COL4A5: variants seen among roughly 807,000 people sequenced by gnomAD.
COL4A5 encodes the protein collagen alpha-5(IV) chain.
Under a neutral mutation model 130.2 loss-of-function variants are expected in COL4A5, and 26 were observed. The observed-to-expected ratio is 0.20, with a 90% CI of 0.15 to 0.28. The LOEUF is 0.28. COL4A5 is among the 10% of genes least tolerant of loss of function. The probability of loss-of-function intolerance (pLI) is 1.00; values close to 1 mark genes in which losing one functional copy is unlikely to be tolerated. For missense variants in COL4A5, 1,131 were observed against 1,344.3 expected, an observed-to-expected ratio of 0.84 and a Z score of 2.48; for synonymous variants, 496 against 439.6, an observed-to-expected ratio of 1.13 and a Z score of -1.60.
chrX:108,501,917 G>C (rs775058552), intron 1 of COL4A5, among the ~76,000 whole-genome samples: 11 of 112,495 alleles, frequency 9.8e-5, no homozygotes, highest in African/African-American at 3.2e-4. Flanking sequence ...GAAACCAAGG[G>C]AGAAGGAAAT....
At chrX:108,591,437 T>G (rs772789052) in intron 20 of COL4A5, 124 bp from the exon 21 acceptor site, 1 of 671,086 alleles carries the variant, frequency 1.5e-6, no homozygotes, top group South Asian at 2.5e-5. Context: ...TATATTTTCC[T>G]TTTGCTTATA....
intron 42 of COL4A5, among the ~76,000 whole-genome samples, chrX:108,671,236 T>C (rs2068201182): frequency 8.9e-6 from 1 of 112,187 alleles, no homozygotes; most frequent in South Asian, 3.7e-4. Flanking sequence ...TTTATTGTTA[T>C]TCAAAATAAA....
rs866276836 is a variant in COL4A5 at position 108,601,954 on chromosome X, C to A, written c.2111C>A (p.Pro704His). Reference protein sequence around the residue: ...IPGSKGEPGIPGIGLPGPPGP... With the variant: ...IPGSKGEPGIHGIGLPGPPGP... ...GGTAGCAAAGGAGAACCAGGTATCCCTGGAATTGGGCTTCCTGGACCACCT... is the reference window on the plus strand; with the variant it reads ...GGTAGCAAAGGAGAACCAGGTATCCATGGAATTGGGCTTCCTGGACCACCT... The change falls in exon 27 of 53, where the codon CCT becomes CAT. Residue 704 changes from proline (P) to histidine (H), a missense_variant. Transcript: ENST00000328300. 1 of 1,163,942 alleles carries A rather than the reference C, an allele frequency of 8.6e-7. No homozygotes were observed. The highest frequency in any genetic ancestry group is 3.1e-5 in the East Asian group (1 of 32,225).
chrX:108,532,759 C>CAGGA (rs747210245), intron 1 of COL4A5, among the ~76,000 whole-genome samples: 3 of 110,957 alleles, frequency 2.7e-5, no homozygotes, highest in Non-Finnish European at 5.7e-5. Flanking sequence ...ATGATCTAAC[C>CAGGA]AGGAAAGAAA....
At chrX:108,520,871 C>T (rs757131722) in intron 1 of COL4A5, among the ~76,000 whole-genome samples, 1 of 111,466 alleles carries the variant, frequency 9.0e-6, no homozygotes, top group East Asian at 2.8e-4. Flanking sequence ...AATTTAAAGA[C>T]GATATAATGA....
intron 1 of COL4A5, among the ~76,000 whole-genome samples, chrX:108,514,502 C>T (rs1475834486): frequency 9.0e-6 from 1 of 111,698 alleles, no homozygotes; most frequent in Non-Finnish European, 1.9e-5. Context: ...ACCATTTACA[C>T]TGGCATAGTT....
intron 37 of COL4A5, among the ~76,000 whole-genome samples, chrX:108,663,670 G>A (rs2068011465): frequency 9.2e-6 from 1 of 109,168 alleles, no homozygotes; most frequent in South Asian, 4.0e-4. Flanking sequence ...GATAGGTACA[G>A]CAAACCACCA....
chrX:108,568,173 T>C (rs781709487), intron 4 of COL4A5, among the ~76,000 whole-genome samples: 38 of 111,987 alleles, frequency 3.4e-4, no homozygotes, highest in Non-Finnish European at 5.6e-4. Context: ...TTTTTCACCA[T>C]AGTCTCACCT....
At chrX:108,440,894 C>T (rs752703792) in intron 1 of COL4A5, among the ~76,000 whole-genome samples, 71 of 111,060 alleles carry the variant, frequency 6.4e-4, no homozygotes, top group African/African-American at 2.2e-3. Context: ...TGTTTGTTTA[C>T]TTTTTTTTAA....
At chrX:108,576,489 T>C (rs1041335109) in intron 10 of COL4A5, among the ~76,000 whole-genome samples, 6 of 112,051 alleles carry the variant, frequency 5.4e-5, no homozygotes, top group Non-Finnish European at 9.4e-5. Context: ...TGCAACCGGT[T>C]CTCTTACTTT....
At chrX:108,579,830 G>T (rs1192945727) in intron 13 of COL4A5, among the ~76,000 whole-genome samples, 1 of 111,229 alleles carries the variant, frequency 9.0e-6, no homozygotes, top group South Asian at 3.7e-4. Flanking sequence ...TTTGTTTTAG[G>T]TATTCTTGCT....
chrX:108,654,972 TATCTTTCTA>T (rs1279880494), intron 36 of COL4A5, among the ~76,000 whole-genome samples: 1 of 111,887 alleles, frequency 8.9e-6, no homozygotes, highest in Non-Finnish European at 1.9e-5. Context: ...ATAATAACAG[TATCTTTCTA>T]ATAGGGTTGT....
intron 28 of COL4A5, among the ~76,000 whole-genome samples, chrX:108,605,874 C>T (rs367898383): frequency 2.6e-4 from 29 of 112,000 alleles, no homozygotes; most frequent in African/African-American, 9.1e-4. Context: ...ATGCAAATCA[C>T]TGCAATTGAC....
intron 49 of COL4A5, among the ~76,000 whole-genome samples, chrX:108,690,347 T>C (rs903381269): frequency 1.8e-5 from 2 of 111,652 alleles, no homozygotes; most frequent in Non-Finnish European, 3.8e-5. Context: ...AGGGATAAAT[T>C]AGACTAAATC....
At chrX:108,610,139 G>T (rs181531096) in intron 29 of COL4A5, among the ~76,000 whole-genome samples, 4 of 110,156 alleles carry the variant, frequency 3.6e-5, no homozygotes, top group African/African-American at 1.3e-4. Context: ...CCACTTCTCT[G>T]TTGTTTCTTC....
intron 36 of COL4A5, among the ~76,000 whole-genome samples, chrX:108,647,295 A>G: frequency 9.0e-6 from 1 of 111,373 alleles, no homozygotes; most frequent in East Asian, 2.8e-4. Flanking sequence ...GAGGTCCTTC[A>G]CATCCCTTGT....
intron 1 of COL4A5, among the ~76,000 whole-genome samples, chrX:108,497,709 C>A (rs1418806485): frequency 8.9e-6 from 1 of 111,771 alleles, no homozygotes; most frequent in Admixed American, 9.5e-5. Context: ...GGACCTATTT[C>A]TCTCTGGAGG....
chrX:108,647,944 G>T (rs2067637389), intron 36 of COL4A5, among the ~76,000 whole-genome samples: 1 of 111,514 alleles, frequency 9.0e-6, no homozygotes, highest in Non-Finnish European at 1.9e-5. Context: ...CTTGATCATG[G>T]TGGATAAGCT....
chrX:108,670,082 C>G, intron 41 of COL4A5, 146 bp from the exon 42 acceptor site: 1 of 638,291 alleles, frequency 1.6e-6, no homozygotes, highest in Non-Finnish European at 2.4e-6. Context: ...TATGAACTTT[C>G]AGAGTATTCT....
Sources: gnomAD v4.1 joint callset for allele counts (sites outside exome capture counted in the v4.1 genomes callset) on GRCh38, gnomAD v4.1.1 for gene constraint, MANE v1.5 for transcripts, NCBI Gene and HGNC (gene_info 2026-07-23, HGNC 2026-07-21) for gene names.